Variants in ASB5 observed in about 807,000 individuals in gnomAD.
The protein encoded by ASB5 is ankyrin repeat and SOCS box containing 5.
A neutral mutation model predicts 42.1 loss-of-function variants in ASB5; 45 were observed. The observed-to-expected ratio is 1.07, with a 90% confidence interval of 0.84 to 1.37. The LOEUF is 1.37. Ranked by LOEUF, ASB5 falls within the 40% of genes most tolerant of loss-of-function variation. The probability of loss-of-function intolerance (pLI) is 0.00; values close to 1 mark genes in which losing one functional copy is unlikely to be tolerated. For missense variants in ASB5, 402 were observed against 399.8 expected, an observed-to-expected ratio of 1.01 and a Z score of -0.05; for synonymous variants, 147 against 150.6, an observed-to-expected ratio of 0.98 and a Z score of 0.18.
At chr4:176,275,562 G>GAAGA (rs1390345722) in intron 2 of ASB5, among the ~76,000 whole-genome samples, 1 of 152,132 alleles carries the variant, frequency 6.6e-6, no homozygotes, top group African/African-American at 2.4e-5. Context: ...AGTCAACTTA[G>GAAGA]TACTCTTCCT....
upstream of ASB5, chr4:176,269,223 A>G (rs1754425032): frequency 2.4e-6 from 2 of 837,172 alleles, no homozygotes; most frequent in Non-Finnish European, 3.6e-6. Context: ...ATCAGCTGGT[A>G]GTGATGCCTA....
At chr4:176,248,027 C>T (rs1414949542) in intron 1 of ASB5, among the ~76,000 whole-genome samples, 1 of 152,136 alleles carries the variant, frequency 6.6e-6, no homozygotes, top group Non-Finnish European at 1.5e-5. Flanking sequence ...GGAAGAAGTA[C>T]AAATGGTCAA....
Position 176,222,419 on chromosome 4 carries a change from C to G in ASB5, c.278G>C (p.Gly93Ala). The G allele has an allele frequency of 6.2e-7, 1 of 1,610,206 alleles. No individual in the cohort carries two copies. The highest frequency in any genetic ancestry group is 8.5e-7 in the Non-Finnish European group (1 of 1,177,144). Reference protein sequence around the residue: ...LLALRTLLSQGYNVNAVTLDH... With the variant: ...LLALRTLLSQAYNVNAVTLDH... ...TAAGGTTACTGCATTTACATTATAA[C>G]CCTAAATGTGGCATAATTTTGAAAG... Residue 93 changes from glycine (G) to alanine (A), a missense_variant and splice_region_variant, in exon 3 of 7, where the codon GGT (glycine) becomes GCT (alanine). Gly to Ala is a moderately conservative substitution (Grantham distance 60, BLOSUM62 0). Coordinates refer to ENST00000296525, the MANE Select transcript of ASB5 (RefSeq NM_080874.4).
At chr4:176,273,943 G>A (rs1290038491), upstream of ASB5, among the ~76,000 whole-genome samples, 1 of 152,136 alleles carries the variant, frequency 6.6e-6, no homozygotes, top group African/African-American at 2.4e-5. Flanking sequence ...TTTCTTTAAT[G>A]GATCGTATCT....
chr4:176,274,361 GA>G (rs1255480287), intron 2 of ASB5, among the ~76,000 whole-genome samples: 8 of 151,508 alleles, frequency 5.3e-5, no homozygotes, highest in South Asian at 2.1e-4. Context: ...CACTTGTACG[GA>G]AAAAAAACCC....
chr4:176,228,781 C>T (rs1753446821), intron 1 of ASB5, among the ~76,000 whole-genome samples: 1 of 152,092 alleles, frequency 6.6e-6, no homozygotes, highest in African/African-American at 2.4e-5. Flanking sequence ...AATATGCAAA[C>T]GTTATCATCA....
intron 2 of ASB5, among the ~76,000 whole-genome samples, chr4:176,224,111 T>C (rs991386241): frequency 4.6e-5 from 7 of 152,260 alleles, no homozygotes; most frequent in Non-Finnish European, 7.4e-5. Flanking sequence ...GCAATGCTTT[T>C]TAAATTGGGC....
chr4:176,273,411 A>C (rs531608368), upstream of ASB5, among the ~76,000 whole-genome samples: 2 of 152,310 alleles, frequency 1.3e-5, no homozygotes, highest in South Asian at 4.1e-4. Context: ...CATTTAAAAC[A>C]CTACTGAAAA....
rs1229159899 is a variant in ASB5, at chr4:176,275,793, A to G, written c.-90+3T>C. 3 of 152,212 alleles carry G rather than the reference A, an allele frequency of 2.0e-5. No individual in the cohort carries two copies. The East Asian group carries it at 5.8e-4, about 29-fold the overall frequency. 9.4% of individuals were successfully genotyped at this position (152,212 alleles called of 1,614,324 possible). ...CTTCATACTTGCAGGCAATAATACA[A>G]ACCTGGAAATTGGGAACCTGTCAGC... On this transcript the variant is annotated splice_donor_region_variant and intron_variant, in intron 2 of 2. Transcript: ENST00000505299.
At chr4:176,222,614 G>C (rs1363594016) in intron 2 of ASB5, among the ~76,000 whole-genome samples, 194 bp from the exon 3 acceptor site, 4 of 152,132 alleles carry the variant, frequency 2.6e-5, no homozygotes, top group African/African-American at 7.2e-5. Context: ...CCCTATTATT[G>C]TGGCACCCTC....
At chr4:176,260,981 C>T (rs1304199934) in intron 1 of ASB5, among the ~76,000 whole-genome samples, 1 of 152,068 alleles carries the variant, frequency 6.6e-6, no homozygotes, top group Non-Finnish European at 1.5e-5. Flanking sequence ...GCAAGAAATG[C>T]GAAAAGTTCT....
At chr4:176,260,233 C>T (rs993865250) in intron 1 of ASB5, among the ~76,000 whole-genome samples, 1 of 152,108 alleles carries the variant, frequency 6.6e-6, no homozygotes, top group African/African-American at 2.4e-5. Context: ...CCATGGGGAC[C>T]TTGCCCCCTC....
At chr4:176,252,628 C>T (rs12639626) in intron 1 of ASB5, among the ~76,000 whole-genome samples, 31,722 of 152,090 alleles carry the variant, frequency 0.21, 3,374 homozygotes, top group East Asian at 0.26. Flanking sequence ...AAAAGCCACA[C>T]GGAAAATATT....
chr4:176,254,705 A>C (rs923688881), intron 1 of ASB5, among the ~76,000 whole-genome samples: 1 of 152,222 alleles, frequency 6.6e-6, no homozygotes, highest in Non-Finnish European at 1.5e-5. Flanking sequence ...TTCAACAAGC[A>C]AAAAACAAAT....
intron 1 of ASB5, among the ~76,000 whole-genome samples, chr4:176,231,869 A>T (rs193209672): frequency 6.4e-4 from 31 of 48,510 alleles, no homozygotes; most frequent in African/African-American, 2.0e-3. Flanking sequence ...CAAATAAACA[A>T]AAAAGTCTTT....
intron 1 of ASB5, among the ~76,000 whole-genome samples, chr4:176,245,139 TC>T (rs554233228): frequency 1.4e-3 from 218 of 151,648 alleles, no homozygotes; most frequent in African/African-American, 5.1e-3. Flanking sequence ...CACAAAGAAA[TC>T]CCCCATATTG....
intron 1 of ASB5, among the ~76,000 whole-genome samples, chr4:176,249,054 C>A (rs547991510): frequency 6.6e-6 from 1 of 152,244 alleles, no homozygotes; most frequent in Admixed American, 6.5e-5. Flanking sequence ...GAAACCTCTG[C>A]TTCCCGGGTC....
intron 1 of ASB5, among the ~76,000 whole-genome samples, chr4:176,240,261 A>G (rs34752058): frequency 6.6e-6 from 1 of 152,160 alleles, no homozygotes; most frequent in African/African-American, 2.4e-5. Context: ...AGCATCTAAG[A>G]TATACCATAG....
chr4:176,257,997 C>A (rs1029556299), intron 1 of ASB5, among the ~76,000 whole-genome samples: 2 of 152,170 alleles, frequency 1.3e-5, no homozygotes, highest in African/African-American at 4.8e-5. Flanking sequence ...ATATTATGTG[C>A]TTGTAGTAAC....
Sources: allele counts gnomAD v4.1 joint callset (sites outside exome capture counted in the v4.1 genomes callset), GRCh38; gene constraint gnomAD v4.1.1; transcripts MANE v1.5; gene names NCBI Gene and HGNC (gene_info 2026-07-23, HGNC 2026-07-21).